Variants in NTM observed in about 807,000 individuals in gnomAD.
The protein encoded by NTM is neurotrimin.
In NTM, 13 loss-of-function variants were observed where a neutral mutation model predicts 42.1. That is an observed-to-expected ratio of 0.31 (90% CI 0.20 to 0.49). The LOEUF (loss-of-function observed/expected upper bound fraction) is 0.49. Among genes scored for constraint, NTM ranks in the 20% least tolerant of loss-of-function variants. The pLI, the probability that NTM is intolerant of heterozygous loss-of-function variation, is 0.99. For missense variants in NTM, 373 were observed against 452.8 expected (o/e 0.82, Z 1.60); for synonymous variants, 187 against 179.2 (o/e 1.04, Z -0.35).
At chr11:131,803,601 C>A (rs1010947921) in intron 1 of NTM, among the ~76,000 whole-genome samples, 5 of 152,204 alleles carry the variant, frequency 3.3e-5, no homozygotes, top group Non-Finnish European at 7.3e-5. Flanking sequence ...TAAGCCACTG[C>A]GCCCGGCCAT....
chr11:132,166,718 AT>A (rs1353390611), intron 3 of NTM, among the ~76,000 whole-genome samples: 2 of 152,196 alleles, frequency 1.3e-5, no homozygotes, highest in Non-Finnish European at 2.9e-5. Context: ...AAATTAGCAC[AT>A]TCCTCCACAG....
intron 1 of NTM, among the ~76,000 whole-genome samples, chr11:131,469,830 G>A (rs753361335): frequency 1.3e-5 from 2 of 152,298 alleles, no homozygotes; most frequent in Non-Finnish European, 2.9e-5. Flanking sequence ...TTGGAGCATC[G>A]TAAGCAGTCC....
At chr11:131,578,059 GAC>G (rs1388010721) in intron 1 of NTM, among the ~76,000 whole-genome samples, 2 of 152,180 alleles carry the variant, frequency 1.3e-5, no homozygotes, top group African/African-American at 2.4e-5. Context: ...GGACACCTAG[GAC>G]ACTGGCTGTG....
At chr11:132,073,332 T>C (rs760870320) in intron 2 of NTM, among the ~76,000 whole-genome samples, 4 of 152,214 alleles carry the variant, frequency 2.6e-5, no homozygotes, top group Admixed American at 6.5e-5. Flanking sequence ...AGGTGCCTAG[T>C]TATCTTTAGG....
At chr11:131,863,297 G>T (rs989971101) in intron 1 of NTM, among the ~76,000 whole-genome samples, 1 of 152,198 alleles carries the variant, frequency 6.6e-6, no homozygotes, top group African/African-American at 2.4e-5. Context: ...GCTTCTGAAA[G>T]ATTTCATCCA....
intron 2 of NTM, among the ~76,000 whole-genome samples, chr11:132,096,167 T>A (rs1167846375): frequency 1.3e-5 from 2 of 152,200 alleles, no homozygotes; most frequent in Non-Finnish European, 2.9e-5. Flanking sequence ...TTTAGTCTTT[T>A]TTCCCCCCTT....
chr11:132,054,949 T>C (rs1486664960), intron 2 of NTM, among the ~76,000 whole-genome samples: 2 of 151,784 alleles, frequency 1.3e-5, no homozygotes, highest in East Asian at 3.9e-4. Flanking sequence ...AAGGGAGGGG[T>C]CAAGGGAGGA....
intron 1 of NTM, among the ~76,000 whole-genome samples, chr11:131,453,271 T>G (rs1310194750): frequency 6.6e-6 from 1 of 152,146 alleles, no homozygotes; most frequent in Non-Finnish European, 1.5e-5. Flanking sequence ...AAGAAAGAAA[T>G]GTCTTCTGTA....
chr11:132,239,277 T>C (rs2089721875), intron 4 of NTM, among the ~76,000 whole-genome samples: 1 of 152,230 alleles, frequency 6.6e-6, no homozygotes, highest in African/African-American at 2.4e-5. Context: ...GAGAAATAAA[T>C]ACATTTTCTG....
At chr11:131,887,203 T>C (rs968384095) in intron 1 of NTM, among the ~76,000 whole-genome samples, 1 of 152,238 alleles carries the variant, frequency 6.6e-6, no homozygotes, top group African/African-American at 2.4e-5. Flanking sequence ...TTAGCTTAAT[T>C]GTGGCAATCA....
At chr11:131,468,374 C>A (rs976722654) in intron 1 of NTM, among the ~76,000 whole-genome samples, 1 of 152,208 alleles carries the variant, frequency 6.6e-6, no homozygotes, top group Non-Finnish European at 1.5e-5. Context: ...TTAATGAATG[C>A]AGCATGAGCC....
chr11:131,850,717 A>G (rs1350913510), intron 1 of NTM, among the ~76,000 whole-genome samples: 1 of 152,218 alleles, frequency 6.6e-6, no homozygotes, highest in Non-Finnish European at 1.5e-5. Flanking sequence ...CAAGGTCACC[A>G]GGTCAGGCGG....
chr11:132,146,112 T>G lies in NTM; in HGVS notation c.168-170T>G, dbSNP rs573232698. The G allele has an allele frequency of 1.9e-6, 1 of 536,604 alleles. No homozygotes were observed. Among genetic ancestry groups the G allele is most frequent in the South Asian group, 8.1e-5 (1 of 12,316 alleles). 33.2% of individuals were successfully genotyped at this position (536,604 alleles called of 1,614,324 possible). A position where few individuals can be genotyped will look rare whatever the true frequency, so the allele number is the denominator to read the frequency against. ...GCAACATTCTGAGGCTGTAATCCCA[T>G]AAGACCTTTGCTGTGTTCCAGAAAA... On this transcript the variant is annotated intron_variant, in intron 2 of 8. Coordinates refer to ENST00000683400, the MANE Select transcript of NTM (RefSeq NM_001352005.2). This position sits in a 1 kb window ranked among gnomAD's most constrained non-coding sequence, Gnocchi z 4.5.
chr11:131,853,849 A>G lies in NTM; in HGVS notation c.83-57715A>G, dbSNP rs1037771257. On this transcript the variant is annotated intron_variant, in intron 1 of 8. Coordinates refer to ENST00000683400, the MANE Select transcript of NTM (RefSeq NM_001352005.2). Reference sequence around the variant, plus strand: ...TTCCACAATGGCTATACTACTCTACACTCCCACCAACAGTGTCAAAGCATT... The same window carrying G: ...TTCCACAATGGCTATACTACTCTACGCTCCCACCAACAGTGTCAAAGCATT... 1.5e-4 allele frequency among the ~76,000 whole-genome samples: 23 copies of G among 152,038 alleles called. 1 individual carries two copies. The highest frequency in any genetic ancestry group is 1.4e-3 in the Admixed American group (22 of 15,256).
intron 1 of NTM, among the ~76,000 whole-genome samples, chr11:131,646,749 A>T (rs904482832): frequency 2.0e-5 from 3 of 152,294 alleles, no homozygotes; most frequent in African/African-American, 7.2e-5. Flanking sequence ...ACTGAGAAAA[A>T]CATGAACTCT....
intron 7 of NTM, among the ~76,000 whole-genome samples, chr11:132,316,180 G>C (rs1293503809): frequency 6.6e-6 from 1 of 150,706 alleles, no homozygotes; most frequent in Non-Finnish European, 1.5e-5. Context: ...TCAGCCATTG[G>C]CTTTATCATG....
intron 3 of NTM, among the ~76,000 whole-genome samples, chr11:132,183,423 C>A (rs749284618): frequency 4.6e-5 from 7 of 152,038 alleles, no homozygotes; most frequent in African/African-American, 1.7e-4. Flanking sequence ...AGCATGATAC[C>A]GGGAAGACAC....
At chr11:131,437,485 A>G (rs183852426) in intron 1 of NTM, among the ~76,000 whole-genome samples, 121 of 152,342 alleles carry the variant, frequency 7.9e-4, no homozygotes, top group African/African-American at 2.9e-3. Context: ...GGGTGCATAT[A>G]TATTTAGGAT....
intron 1 of NTM, among the ~76,000 whole-genome samples, chr11:131,391,411 T>C (rs1943969644): frequency 6.6e-6 from 1 of 152,050 alleles, no homozygotes; most frequent in South Asian, 2.1e-4. Flanking sequence ...CCCACCTGAG[T>C]ACTGAGTACT....
Sources: allele counts gnomAD v4.1 joint callset (sites outside exome capture counted in the v4.1 genomes callset), GRCh38; gene constraint gnomAD v4.1.1; non-coding constraint Gnocchi (gnomAD v3.1); transcripts MANE v1.5; gene names NCBI Gene and HGNC (gene_info 2026-07-23, HGNC 2026-07-21).